GLDC: variants seen among roughly 807,000 people sequenced by gnomAD.
The protein encoded by GLDC is glycine dehydrogenase (decarboxylating), mitochondrial.
A neutral mutation model predicts 121.3 loss-of-function variants in GLDC; 104 were observed. The observed-to-expected ratio is 0.86, with a 90% CI of 0.73 to 1.01. The LOEUF is 1.01. Among genes scored for constraint, GLDC ranks in the 50% least tolerant of loss-of-function variants. The pLI is 0.00. For missense variants in GLDC, 1,429 were observed against 1,306.6 expected (o/e 1.09, Z -1.44); for synonymous variants, 546 against 480.6 (o/e 1.14, Z -1.78).
At chr9:6,602,070 C>A in intron 8 of GLDC, 39 bp downstream of exon 8, 2 of 1,158,796 alleles carry the variant, frequency 1.7e-6, no homozygotes, top group South Asian at 1.2e-5. Context: ...TTCTGTGTAT[C>A]GTAAGGCATT....
chr9:6,625,826 T>C (rs1019463104), intron 2 of GLDC, among the ~76,000 whole-genome samples: 1 of 151,214 alleles, frequency 6.6e-6, no homozygotes, highest in Non-Finnish European at 1.5e-5. Flanking sequence ...AGAGGCCACC[T>C]CCTGAGAAGG....
In GLDC at chr9:6,639,155, G is replaced by A. The variant is rs531943061; in HGVS notation, c.334+5459C>T. On this transcript the variant is annotated intron_variant, in intron 2 of 24. Transcript: ENST00000321612. ...TTTTTCACAAGATGGCGCCGAAAGC[G>A]AAGAAGGAAGCTCCTGCCCCTCCTA... The A allele has an allele frequency of 6.8e-5, 52 of 761,742 alleles. 1 individual carries two copies. Among genetic ancestry groups the A allele is most frequent in the Non-Finnish European group, 1.1e-4 (48 of 424,734 alleles). The allele number at this position is 761,742 out of a possible 1,614,324, so 47.2% of individuals were successfully genotyped here. A position where few individuals can be genotyped will look rare whatever the true frequency, so the allele number is the denominator to read the frequency against.
intron 15 of GLDC, among the ~76,000 whole-genome samples, chr9:6,579,747 T>C (rs1002308975): frequency 3.3e-5 from 5 of 152,226 alleles, no homozygotes; most frequent in Non-Finnish European, 7.3e-5. Flanking sequence ...GAAGTTGTAT[T>C]GCTATAACTA....
Position 6,580,410 on chromosome 9 carries a change from C to T in GLDC, c.1850+6731G>A, listed in dbSNP as rs1285209075. 4.6e-5 allele frequency among the ~76,000 whole-genome samples: 7 copies of T among 152,278 alleles called. No individual in the cohort carries two copies. The South Asian group carries it at 1.2e-3, about 27-fold the overall frequency. ...GAACCAGGGATTCCGCCCCTCGGAA[C>T]CAACAAGGCTGGAAGAGAACCAGAC... On this transcript the variant is annotated intron_variant, in intron 15 of 24. Transcript: ENST00000321612.
intron 15 of GLDC, among the ~76,000 whole-genome samples, chr9:6,578,760 T>C (rs1205746213): frequency 1.3e-5 from 2 of 152,180 alleles, no homozygotes; most frequent in African/African-American, 4.8e-5. Context: ...CTTGAACTCC[T>C]GGGATCAAGT....
intron 2 of GLDC, among the ~76,000 whole-genome samples, chr9:6,629,028 C>G (rs780383752): frequency 1.3e-5 from 2 of 151,710 alleles, no homozygotes; most frequent in Non-Finnish European, 2.9e-5. Context: ...TAAGAACTTG[C>G]GCTGCTTCTG....
chr9:6,628,423 T>G (rs1819291836), intron 2 of GLDC, among the ~76,000 whole-genome samples: 1 of 152,216 alleles, frequency 6.6e-6, no homozygotes, highest in Non-Finnish European at 1.5e-5. Flanking sequence ...ACAAGCCTAA[T>G]TCCTGAACAT....
intron 9 of GLDC, among the ~76,000 whole-genome samples, chr9:6,593,647 G>A (rs2129856360): frequency 6.6e-6 from 1 of 151,006 alleles, no homozygotes; most frequent in African/African-American, 2.4e-5. Flanking sequence ...CATATTTAAT[G>A]GCTGTACAAT....
chr9:6,624,360 T>A (rs1337282590), intron 2 of GLDC, among the ~76,000 whole-genome samples: 3 of 152,140 alleles, frequency 2.0e-5, no homozygotes, highest in African/African-American at 2.4e-5. Context: ...GGTGTCCTTA[T>A]AAGAAGAGCA....
intron 21 of GLDC, among the ~76,000 whole-genome samples, chr9:6,544,053 C>A (rs1185173379): frequency 6.6e-6 from 1 of 152,176 alleles, no homozygotes; most frequent in East Asian, 1.9e-4. Context: ...AGGGACCAGA[C>A]CTTACTTATC....
intron 9 of GLDC, among the ~76,000 whole-genome samples, chr9:6,594,811 G>GAAAGAAAA (rs1818458492): frequency 6.6e-6 from 1 of 150,738 alleles, no homozygotes; most frequent in Non-Finnish European, 1.5e-5. Context: ...ATAAAAGAAA[G>GAAAGAAAA]AAAGAAAGAA....
intron 15 of GLDC, among the ~76,000 whole-genome samples, chr9:6,583,438 G>C (rs1338140517): frequency 2.0e-5 from 3 of 152,216 alleles, no homozygotes; most frequent in African/African-American, 7.2e-5. Context: ...ACTTTGGGAG[G>C]CCAAGGCAGG....
At chr9:6,593,053 G>A (rs1818409674) in intron 9 of GLDC, 63 bp from the exon 10 acceptor site, 2 of 1,544,918 alleles carry the variant, frequency 1.3e-6, no homozygotes, top group Non-Finnish European at 9.0e-7. Flanking sequence ...CCATTGACAT[G>A]TCACAGAATA....
At chr9:6,534,819 C>G in intron 23 of GLDC, 31 bp from the exon 24 acceptor site, 1 of 1,149,270 alleles carries the variant, frequency 8.7e-7, no homozygotes, top group Non-Finnish European at 1.3e-6. Flanking sequence ...GAGGAGGGGT[C>G]AGAGCAATAC....
chr9:6,555,893 T>C (rs1227072433), intron 18 of GLDC, among the ~76,000 whole-genome samples: 5 of 152,210 alleles, frequency 3.3e-5, no homozygotes, highest in Non-Finnish European at 5.9e-5. Context: ...ACAGCATTTC[T>C]TCAGAGGTTC....
intron 15 of GLDC, among the ~76,000 whole-genome samples, chr9:6,573,625 G>C (rs77767612): frequency 6.6e-6 from 1 of 152,068 alleles, no homozygotes; most frequent in Non-Finnish European, 1.5e-5. Flanking sequence ...CTTGTGATAC[G>C]TAAGGGTTTG....
chr9:6,568,538 A>T (rs1022915782), intron 15 of GLDC, among the ~76,000 whole-genome samples: 1 of 152,110 alleles, frequency 6.6e-6, no homozygotes, highest in African/African-American at 2.4e-5. Context: ...GCACAGCTTA[A>T]ACTGTCCTAG....
chr9:6,576,928 C>A (rs999027810), intron 15 of GLDC, among the ~76,000 whole-genome samples: 3 of 152,160 alleles, frequency 2.0e-5, no homozygotes, highest in African/African-American at 7.2e-5. Context: ...TGGTAGGAAG[C>A]CACATAACAG....
intron 2 of GLDC, among the ~76,000 whole-genome samples, chr9:6,643,426 A>T (rs1028875712): frequency 8.0e-5 from 12 of 150,210 alleles, no homozygotes; most frequent in Non-Finnish European, 1.6e-4. Context: ...TGCACACTAG[A>T]TCCTTTCTAT....
Sources: gnomAD v4.1 joint callset for allele counts (sites outside exome capture counted in the v4.1 genomes callset) on GRCh38, gnomAD v4.1.1 for gene constraint, MANE v1.5 for transcripts, NCBI Gene and HGNC (gene_info 2026-07-23, HGNC 2026-07-21) for gene names.